The following KIF16B variants were observed in gnomAD, a reference collection of about 807,000 sequenced individuals.
KIF16B encodes kinesin-like protein KIF16B.
A neutral mutation model predicts 156.3 loss-of-function variants in KIF16B; 98 were observed. That is an observed-to-expected ratio of 0.63 (90% confidence interval 0.53 to 0.74). The LOEUF is 0.74. KIF16B is among the 30% of genes least tolerant of loss of function. KIF16B has a pLI of 0.00. For missense variants in KIF16B, 1,421 were observed against 1,606.5 expected (o/e 0.88, Z 1.97); for synonymous variants, 564 against 583.7 (o/e 0.97, Z 0.49).
chr20:16,466,478 G>T (rs1457317390), intron 12 of KIF16B, among the ~76,000 whole-genome samples: 2 of 152,168 alleles, frequency 1.3e-5, no homozygotes, highest in East Asian at 1.9e-4. Flanking sequence ...ACAAGGGTGG[G>T]TTTTTCCCAT....
chr20:16,393,761 G>T (rs2065426971), intron 17 of KIF16B, among the ~76,000 whole-genome samples: 1 of 152,186 alleles, frequency 6.6e-6, no homozygotes, highest in Admixed American at 6.5e-5. Context: ...TGAATAAGTA[G>T]CCCAGGAGGT....
intron 25 of KIF16B, among the ~76,000 whole-genome samples, chr20:16,291,766 C>T (rs114265354): frequency 0.021 from 3,149 of 152,238 alleles, 104 homozygotes; most frequent in African/African-American, 0.071. Flanking sequence ...CAGATTCCTC[C>T]AAATAAGTAA....
At chr20:16,299,288 TG>T (rs1454389696) in intron 25 of KIF16B, among the ~76,000 whole-genome samples, 2 of 152,110 alleles carry the variant, frequency 1.3e-5, no homozygotes, top group Non-Finnish European at 2.9e-5. Flanking sequence ...TATGTTGAAG[TG>T]GGGTGATGGA....
At chr20:16,564,685 A>G (rs1195542162) in intron 1 of KIF16B, among the ~76,000 whole-genome samples, 1 of 152,010 alleles carries the variant, frequency 6.6e-6, no homozygotes, top group Non-Finnish European at 1.5e-5. Context: ...AACTGAAAGA[A>G]AAAAAAGATT....
chr20:16,513,150 T>A (rs977665984), intron 4 of KIF16B, among the ~76,000 whole-genome samples: 4 of 152,184 alleles, frequency 2.6e-5, no homozygotes, highest in Non-Finnish European at 5.9e-5. Context: ...TATACGGTTA[T>A]CAGTTGTTAG....
At chr20:16,334,732 T>G (rs2064006188) in intron 24 of KIF16B, among the ~76,000 whole-genome samples, 1 of 152,134 alleles carries the variant, frequency 6.6e-6, no homozygotes, top group Non-Finnish European at 1.5e-5. Context: ...ACCCCCTCCT[T>G]TCTCTCTTGC....
chr20:16,483,400 A>G (rs1410525701), intron 12 of KIF16B, among the ~76,000 whole-genome samples: 1 of 152,218 alleles, frequency 6.6e-6, no homozygotes, highest in Non-Finnish European at 1.5e-5. Flanking sequence ...TCTAAGTAAC[A>G]CCAGCTTGTA....
chr20:16,431,913 T>TACACACACACACACACACACACACACAC (rs74175693), intron 12 of KIF16B, among the ~76,000 whole-genome samples: 4 of 143,762 alleles, frequency 2.8e-5, no homozygotes, highest in African/African-American at 1.1e-4. Flanking sequence ...TGTATACGTA[T>TACACACACACACACACACACACACACAC]ACACACACAC....
rs1320672188 is a variant in KIF16B, at chr20:16,356,375, G to A, written c.3576C>T (p.Val1192=). 8.7e-6 allele frequency: 14 copies of A among 1,614,052 alleles called. No homozygotes were observed. Among genetic ancestry groups the A allele is most frequent in the African/African-American group, 5.3e-5 (4 of 74,922 alleles). Residue 1192 remains valine, a synonymous_variant, in exon 23 of 26, where the codon GTC becomes GTT. Coordinates refer to ENST00000354981, the MANE Select transcript of KIF16B (RefSeq NM_024704.5). ...DPIKISIPRY[V]LCGQGKDAHF... Reference sequence around the variant, plus strand: ...GTGCATCCTTTCCTTGCCCGCAGAGGACGTAGCGTGGGATACTAATTTTAA... The same window carrying A: ...GTGCATCCTTTCCTTGCCCGCAGAGAACGTAGCGTGGGATACTAATTTTAA...
At chr20:16,444,295 C>A (rs1179341936) in intron 12 of KIF16B, among the ~76,000 whole-genome samples, 1 of 152,098 alleles carries the variant, frequency 6.6e-6, no homozygotes, top group African/African-American at 2.4e-5. Flanking sequence ...CCAACTATGG[C>A]TGAAGGCCAA....
chr20:16,525,393 T>C (rs2069503009), intron 3 of KIF16B, among the ~76,000 whole-genome samples: 3 of 152,130 alleles, frequency 2.0e-5, no homozygotes, highest in African/African-American at 7.2e-5. Flanking sequence ...GTGCTCCCCA[T>C]TTCTAACCTC....
chr20:16,400,712 TG>T (rs1230190065), intron 17 of KIF16B, among the ~76,000 whole-genome samples: 2 of 152,212 alleles, frequency 1.3e-5, no homozygotes, highest in Non-Finnish European at 2.9e-5. Flanking sequence ...ACATGCTATA[TG>T]GTGGATGAAC....
intron 1 of KIF16B, among the ~76,000 whole-genome samples, chr20:16,537,848 T>C (rs1277125079): frequency 6.6e-6 from 1 of 151,742 alleles, no homozygotes; most frequent in Admixed American, 6.6e-5. Context: ...GGATTACAGA[T>C]GTGCACCACG....
At chr20:16,565,654 C>CG (rs1188144747) in intron 1 of KIF16B, among the ~76,000 whole-genome samples, 1 of 152,228 alleles carries the variant, frequency 6.6e-6, no homozygotes, top group African/African-American at 2.4e-5. Context: ...ACTTCCACCA[C>CG]AGCAACTATC....
intron 24 of KIF16B, among the ~76,000 whole-genome samples, chr20:16,321,092 C>T (rs1010493730): frequency 1.3e-5 from 2 of 151,988 alleles, no homozygotes; most frequent in South Asian, 2.1e-4. Flanking sequence ...CCCTATTCTT[C>T]GATTTTAATT....
intron 25 of KIF16B, among the ~76,000 whole-genome samples, chr20:16,284,151 A>G (rs1601487537): frequency 6.6e-6 from 1 of 152,234 alleles, no homozygotes; most frequent in East Asian, 1.9e-4. Flanking sequence ...CATGAGTCAC[A>G]CCAGGACAGC....
At chr20:16,386,252 G>A (rs1462273166) in intron 17 of KIF16B, among the ~76,000 whole-genome samples, 1 of 152,132 alleles carries the variant, frequency 6.6e-6, no homozygotes, top group African/African-American at 2.4e-5. Flanking sequence ...GCCCTCTAAT[G>A]AGGCTGGGAG....
chr20:16,349,598 T>G (rs573981097), intron 23 of KIF16B, among the ~76,000 whole-genome samples: 5 of 152,190 alleles, frequency 3.3e-5, no homozygotes, highest in African/African-American at 9.6e-5. Context: ...TGACAATTCA[T>G]GCAAAATTTA....
At chr20:16,506,300 T>A (rs1390858967) in intron 7 of KIF16B, 110 bp from the exon 8 acceptor site, 2 of 910,948 alleles carry the variant, frequency 2.2e-6, no homozygotes, top group Admixed American at 4.5e-5. Flanking sequence ...TCAGGGTAGA[T>A]ATTTTTCAAT....
Sources: allele counts gnomAD v4.1 joint callset (sites outside exome capture counted in the v4.1 genomes callset), GRCh38; gene constraint gnomAD v4.1.1; transcripts MANE v1.5; gene names NCBI Gene and HGNC (gene_info 2026-07-23, HGNC 2026-07-21).